PTPRD: variants seen among roughly 807,000 people sequenced by gnomAD.
The protein encoded by PTPRD is receptor-type tyrosine-protein phosphatase delta.
In PTPRD, 34 loss-of-function variants were observed where a neutral mutation model predicts 214.5. That is an observed-to-expected ratio of 0.16 (90% CI 0.12 to 0.21). The LOEUF (loss-of-function observed/expected upper bound fraction) is 0.21, where lower values mean the gene tolerates loss of function less well. Among genes scored for constraint, PTPRD ranks in the 10% least tolerant of loss-of-function variants. PTPRD has a pLI of 1.00. For synonymous variants in PTPRD, 1,128 were observed against 845.7 expected, an observed-to-expected ratio of 1.33 and a Z score of -5.79; for missense variants, 2,545 against 2,398.7, an observed-to-expected ratio of 1.06 and a Z score of -1.27.
intron 3 of PTPRD, among the ~76,000 whole-genome samples, chr9:10,211,130 C>T (rs965091280): frequency 4.0e-5 from 6 of 151,696 alleles, no homozygotes; most frequent in Admixed American, 2.0e-4. Flanking sequence ...AAAATGAAAA[C>T]AGCTGATGCT....
intron 8 of PTPRD, among the ~76,000 whole-genome samples, chr9:9,459,478 T>G (rs1041736593): frequency 3.3e-5 from 5 of 152,126 alleles, no homozygotes; most frequent in African/African-American, 1.2e-4. Context: ...AAAAGACTCC[T>G]AGATCTGATA....
chr9:9,140,550 G>C (rs184688755), intron 10 of PTPRD, among the ~76,000 whole-genome samples: 2 of 152,328 alleles, frequency 1.3e-5, no homozygotes, highest in Admixed American at 1.3e-4. Context: ...CTGGGGATTG[G>C]AAAGCCACTG....
chr9:10,322,274 T>C (rs890473105), intron 3 of PTPRD, among the ~76,000 whole-genome samples: 3 of 152,000 alleles, frequency 2.0e-5, no homozygotes, highest in African/African-American at 7.2e-5. Context: ...TGGCACATCT[T>C]AACTGCATAA....
intron 11 of PTPRD, among the ~76,000 whole-genome samples, chr9:8,997,032 G>T (rs943467908): frequency 1.7e-4 from 26 of 152,028 alleles, no homozygotes; most frequent in African/African-American, 6.0e-4. Flanking sequence ...CAATCTAAAA[G>T]AATTCTTCCT....
intron 15 of PTPRD, chr9:8,528,336 A>G (rs1160720783): frequency 8.1e-6 from 4 of 493,876 alleles, no homozygotes; most frequent in Non-Finnish European, 3.6e-6. Context: ...AAAAATTACC[A>G]AAAATACAGT....
At chr9:8,672,006 A>C (rs948507589) in intron 12 of PTPRD, among the ~76,000 whole-genome samples, 2 of 152,180 alleles carry the variant, frequency 1.3e-5, no homozygotes, top group African/African-American at 4.8e-5. Context: ...TGGGTACAAA[A>C]TGTTTTCATT....
At chr9:8,391,702 C>G (rs1397477312) in intron 36 of PTPRD, among the ~76,000 whole-genome samples, 1 of 152,076 alleles carries the variant, frequency 6.6e-6, no homozygotes. Context: ...AAACTTTTTT[C>G]TAAGAAAACT....
chr9:9,375,606 C>G (rs1214414789), intron 9 of PTPRD, among the ~76,000 whole-genome samples: 1 of 151,840 alleles, frequency 6.6e-6, no homozygotes, highest in African/African-American at 2.4e-5. Context: ...AAAAAACAAA[C>G]AAACAAAAAA....
intron 4 of PTPRD, among the ~76,000 whole-genome samples, chr9:9,961,226 G>A (rs1176152941): frequency 6.6e-6 from 1 of 150,608 alleles, no homozygotes; most frequent in Admixed American, 6.6e-5. Context: ...CAAGAATAAG[G>A]ATTACTATAT....
At position 9,043,496 on chromosome 9, in the gene PTPRD, C is replaced by T. The variant is rs570690411; in HGVS notation, c.-142-24761G>A. Among the ~76,000 whole-genome samples, 33 of 152,204 alleles carry T rather than the reference C, an allele frequency of 2.2e-4. No individual in the cohort carries two copies. The South Asian group carries it at 3.7e-3, about 17-fold the overall frequency. On this transcript the variant is annotated intron_variant, in intron 10 of 45. Coordinates refer to ENST00000381196, the MANE Select transcript of PTPRD (RefSeq NM_002839.4). ...TCCTTCAGTTCTGCTAAGGGAAAGACGCCAATAAATAGTTCACTTTCAACT... is the reference window on the plus strand; with the variant it reads ...TCCTTCAGTTCTGCTAAGGGAAAGATGCCAATAAATAGTTCACTTTCAACT...
At chr9:10,064,667 C>G (rs12237805) in intron 3 of PTPRD, among the ~76,000 whole-genome samples, 1 of 151,668 alleles carries the variant, frequency 6.6e-6, no homozygotes, top group South Asian at 2.1e-4. Flanking sequence ...AGACATTAAG[C>G]AATTAACCCA....
intron 2 of PTPRD, among the ~76,000 whole-genome samples, chr9:10,574,410 A>T (rs1435271209): frequency 6.6e-6 from 1 of 152,098 alleles, no homozygotes; most frequent in African/African-American, 2.4e-5. Flanking sequence ...TGAAATAATT[A>T]CTGTACTCTG....
At chr9:8,977,665 A>AT (rs34223430) in intron 11 of PTPRD, among the ~76,000 whole-genome samples, 43,788 of 141,476 alleles carry the variant, frequency 0.31, 7,081 homozygotes, top group Non-Finnish European at 0.36. Flanking sequence ...AACAAGGAGA[A>AT]TTTTTTTTTT....
chr9:10,340,070 A>G (rs2096910835), intron 3 of PTPRD, among the ~76,000 whole-genome samples: 1 of 151,780 alleles, frequency 6.6e-6, no homozygotes. Flanking sequence ...ACATAAATAC[A>G]TCTCATCCAA....
At chr9:10,280,371 C>A (rs1564989363) in intron 3 of PTPRD, among the ~76,000 whole-genome samples, 1 of 127,778 alleles carries the variant, frequency 7.8e-6, no homozygotes, top group African/African-American at 2.6e-5. Flanking sequence ...CACACACACA[C>A]ACACACACAC....
At chr9:8,756,558 A>G (rs1316398785) in intron 11 of PTPRD, among the ~76,000 whole-genome samples, 2 of 152,152 alleles carry the variant, frequency 1.3e-5, no homozygotes, top group Non-Finnish European at 1.5e-5. Flanking sequence ...TTTTTGTAGG[A>G]AACAATACTG....
chr9:8,886,940 A>G (rs1179104003), intron 11 of PTPRD, among the ~76,000 whole-genome samples: 2 of 152,220 alleles, frequency 1.3e-5, no homozygotes, highest in African/African-American at 4.8e-5. Flanking sequence ...TATTTTGTAA[A>G]TGACTAAAAA....
chr9:9,486,534 C>T (rs780924484), intron 8 of PTPRD, among the ~76,000 whole-genome samples: 2 of 152,004 alleles, frequency 1.3e-5, no homozygotes, highest in Non-Finnish European at 2.9e-5. Context: ...TCATCTCTAT[C>T]GCTGCCTTCT....
chr9:9,547,327 C>T (rs2079038228), intron 8 of PTPRD, among the ~76,000 whole-genome samples: 1 of 152,080 alleles, frequency 6.6e-6, no homozygotes, highest in African/African-American at 2.4e-5. Context: ...TTGAAATGCT[C>T]TACTTCCAAA....
Sources: allele counts gnomAD v4.1 joint callset (sites outside exome capture counted in the v4.1 genomes callset), GRCh38; gene constraint gnomAD v4.1.1; transcripts MANE v1.5; gene names NCBI Gene and HGNC (gene_info 2026-07-23, HGNC 2026-07-21).